CDC42BPA: variants seen among roughly 807,000 people sequenced by gnomAD.
The protein encoded by CDC42BPA is serine/threonine-protein kinase MRCK alpha.
CDC42BPA carries 80 observed loss-of-function variants against 223.5 expected under a neutral mutation model. The ratio of observed to expected loss-of-function variants is 0.36; its 90% confidence interval spans 0.30 to 0.43. The LOEUF (loss-of-function observed/expected upper bound fraction) is 0.43, where lower values mean the gene tolerates loss of function less well. Ranked by LOEUF, CDC42BPA falls within the 20% of genes least tolerant of loss-of-function variation. The pLI, the probability that CDC42BPA is intolerant of heterozygous loss-of-function variation, is 1.00. For missense variants in CDC42BPA, 1,743 were observed against 2,099.9 expected, an observed-to-expected ratio of 0.83 and a Z score of 3.32; for synonymous variants, 694 against 718.6, an observed-to-expected ratio of 0.97 and a Z score of 0.55.
intron 2 of CDC42BPA, among the ~76,000 whole-genome samples, chr1:227,230,739 T>A (rs1677700796): frequency 6.6e-6 from 1 of 152,042 alleles, no homozygotes. Context: ...TTTTTATGTG[T>A]AGGTGGTCTA....
chr1:227,031,307 C>T lies in CDC42BPA; in HGVS notation c.3766G>A (p.Ala1256Thr), dbSNP rs369879351. 1.1e-5 allele frequency: 18 copies of T among 1,609,798 alleles called. No homozygotes were observed. The highest frequency in any genetic ancestry group is 1.6e-4 in the Middle Eastern group (1 of 6,076). The change falls in exon 28 of 37, where the codon GCA becomes ACA. Residue 1256 changes from alanine (A) to threonine (T), a missense_variant. Coordinates refer to ENST00000366766, the MANE Select transcript of CDC42BPA (RefSeq NM_001394014.1). ...LPLIKTTQAA[A>T]IIDHERIALG... Reference sequence around the variant, plus strand: ...TGTTATAAATTCATACCTATGATTGCGGCTGCCTGGGTTGTTTTAATGAGG... The same window carrying T: ...TGTTATAAATTCATACCTATGATTGTGGCTGCCTGGGTTGTTTTAATGAGG...
intron 2 of CDC42BPA, among the ~76,000 whole-genome samples, chr1:227,220,282 T>TTTTTTATATATATA (rs748787987): frequency 9.9e-6 from 1 of 100,900 alleles, no homozygotes; most frequent in African/African-American, 4.0e-5. Context: ...AAAAGTCATG[T>TTTTTTATATATATA]TATATATATA....
intron 16 of CDC42BPA, among the ~76,000 whole-genome samples, chr1:227,085,454 T>C (rs1002852127): frequency 7.2e-5 from 11 of 152,264 alleles, no homozygotes; most frequent in African/African-American, 2.7e-4. Context: ...CCAGAGGCCA[T>C]AGTTTGCCAA....
At chr1:227,222,354 CA>C (rs1676079201) in intron 2 of CDC42BPA, among the ~76,000 whole-genome samples, 1 of 151,836 alleles carries the variant, frequency 6.6e-6, no homozygotes, top group Non-Finnish European at 1.5e-5. Flanking sequence ...ACTGAAAATA[CA>C]AAAAAATTAG....
chr1:227,265,129 CTGT>C, intron 1 of CDC42BPA: 1 of 758,018 alleles, frequency 1.3e-6, no homozygotes, highest in East Asian at 2.5e-5. Flanking sequence ...CTTTAACATG[CTGT>C]GTACTAAGAT....
chr1:227,282,048 G>A (rs1460473178), intron 1 of CDC42BPA, among the ~76,000 whole-genome samples: 1 of 152,042 alleles, frequency 6.6e-6, no homozygotes, highest in Admixed American at 6.6e-5. Context: ...AATTAGCCGG[G>A]CGTGGTGACA....
rs372661380 is a variant in CDC42BPA, at chr1:227,015,372, G to A, written c.4857+708C>T. Among the ~76,000 whole-genome samples the A allele has an allele frequency of 1.5e-3, 225 of 150,888 alleles. 1 individual carries two copies. Among genetic ancestry groups the A allele is most frequent in the African/African-American group, 5.1e-3 (210 of 41,080 alleles). ...TGGGAGGCAAAGGTTGCAGTGAGCC[G>A]AGATCACACCATTGCACTCCAGCCT... On this transcript the variant is annotated intron_variant, in intron 34 of 36. Transcript: ENST00000366766.
rs1193462797 is a variant in CDC42BPA at position 227,317,810 on chromosome 1, A to G, written c.-628T>C. 2.5e-6 allele frequency: 1 copy of G among 398,580 alleles called. No homozygotes were observed. Among genetic ancestry groups the G allele is most frequent in the African/African-American group, 2.1e-5 (1 of 48,650 alleles). 24.7% of individuals were successfully genotyped at this position (398,580 alleles called of 1,614,324 possible). ...CTGAAGCAGCCCCTCGGCTCGGAGC[A>G]CGCCAAGTCTTGCCCGGAGGCGGCT... On this transcript the variant is annotated 5_prime_UTR_variant, in exon 1 of 37. Coordinates refer to ENST00000366766, the MANE Select transcript of CDC42BPA (RefSeq NM_001394014.1).
chr1:227,063,279 A>G (rs990184698), intron 21 of CDC42BPA, among the ~76,000 whole-genome samples: 2 of 152,128 alleles, frequency 1.3e-5, no homozygotes, highest in Admixed American at 1.3e-4. Flanking sequence ...GTGCAACCAA[A>G]TACCACTTTA....
chr1:227,070,716 C>T (rs1319373574), intron 20 of CDC42BPA, among the ~76,000 whole-genome samples: 2 of 151,798 alleles, frequency 1.3e-5, no homozygotes, highest in South Asian at 2.1e-4. Context: ...TCCTTGCCCT[C>T]ATACTGTAAA....
chr1:227,159,048 G>A (rs1663356204), intron 6 of CDC42BPA, among the ~76,000 whole-genome samples: 1 of 152,106 alleles, frequency 6.6e-6, no homozygotes, highest in Non-Finnish European at 1.5e-5. Flanking sequence ...GTCCACTGCT[G>A]GAAAACAGTA....
chr1:227,112,591 T>C (rs1479655178), intron 13 of CDC42BPA, 80 bp downstream of exon 13: 2 of 1,137,216 alleles, frequency 1.8e-6, no homozygotes, highest in African/African-American at 1.6e-5. Flanking sequence ...ATTTTAAAAA[T>C]TATATATTAT....
intron 10 of CDC42BPA, 93 bp downstream of exon 10, chr1:227,139,483 T>C: frequency 1.2e-6 from 1 of 805,400 alleles, no homozygotes. Flanking sequence ...TTAAAATAAT[T>C]TTTTTCAAAG....
intron 2 of CDC42BPA, among the ~76,000 whole-genome samples, chr1:227,241,161 A>G (rs1448054077): frequency 6.6e-6 from 1 of 152,088 alleles, no homozygotes; most frequent in Non-Finnish European, 1.5e-5. Context: ...AATTAAGACC[A>G]CAGAATACCA....
chr1:227,016,030 T>C (rs573295721), intron 34 of CDC42BPA, 50 bp downstream of exon 34: 2 of 909,530 alleles, frequency 2.2e-6, no homozygotes, highest in South Asian at 1.4e-5. Context: ...TATGTATTTA[T>C]ACTCCCCCCA....
At chr1:227,265,206 T>C in intron 1 of CDC42BPA, 1 of 607,104 alleles carries the variant, frequency 1.6e-6, no homozygotes, top group Non-Finnish European at 3.0e-6. Flanking sequence ...GTGCTAAAAG[T>C]GCACACTTTG....
intron 16 of CDC42BPA, among the ~76,000 whole-genome samples, chr1:227,088,205 A>G (rs940192470): frequency 3.3e-5 from 5 of 152,230 alleles, no homozygotes; most frequent in African/African-American, 1.2e-4. Context: ...TTCCTGATCT[A>G]TAAAATGGCA....
intron 30 of CDC42BPA, among the ~76,000 whole-genome samples, chr1:227,027,082 T>C (rs1013465748): frequency 9.2e-5 from 14 of 152,186 alleles, no homozygotes; most frequent in Admixed American, 7.9e-4. Flanking sequence ...TGTAAGCCAC[T>C]GTGCCCACCT....
chr1:227,253,299 T>C (rs1490774999), intron 2 of CDC42BPA, among the ~76,000 whole-genome samples: 1 of 152,088 alleles, frequency 6.6e-6, no homozygotes, highest in Non-Finnish European at 1.5e-5. Context: ...TGTGTATCTT[T>C]ACAAGTGAGT....
Sources: gnomAD v4.1 joint callset for allele counts (sites outside exome capture counted in the v4.1 genomes callset) on GRCh38, gnomAD v4.1.1 for gene constraint, MANE v1.5 for transcripts, NCBI Gene and HGNC (gene_info 2026-07-23, HGNC 2026-07-21) for gene names.